Variants in DIDO1 observed in about 807,000 individuals in gnomAD.
DIDO1 encodes death-inducer obliterator 1.
DIDO1 carries 16 observed loss-of-function variants against 99.4 expected under a neutral mutation model. That is an observed-to-expected ratio of 0.16 (90% CI 0.11 to 0.24). The LOEUF is 0.24. Ranked by LOEUF, DIDO1 falls within the 10% of genes least tolerant of loss-of-function variation. The pLI, the probability that DIDO1 is intolerant of heterozygous loss-of-function variation, is 1.00. For missense variants in DIDO1, 2,996 were observed against 3,014.0 expected (o/e 0.99, Z 0.14); for synonymous variants, 1,366 against 1,239.1 (o/e 1.10, Z -2.15).
At chr20:62,916,967 C>T (rs899659063) in intron 1 of DIDO1, among the ~76,000 whole-genome samples, 1 of 152,202 alleles carries the variant, frequency 6.6e-6, no homozygotes, top group Admixed American at 6.5e-5. Flanking sequence ...ACCTGGATGA[C>T]ACGGGTTCAA....
In DIDO1 at chr20:62,894,035, G is replaced by C. The variant is rs769424903; in HGVS notation, c.2732C>G (p.Ala911Gly). 2 of 1,614,200 alleles carry C rather than the reference G, an allele frequency of 1.2e-6. No individual in the cohort carries two copies. Among genetic ancestry groups the C allele is most frequent in the Admixed American group, 1.7e-5 (1 of 60,032 alleles). The change falls in exon 12 of 16, where the codon GCC becomes GGC. Residue 911 changes from alanine (A) to glycine (G), a missense_variant. This residue lies in a region of DIDO1 where 898 missense variants were observed against 972.7 expected (regional missense o/e 0.92). Transcript: ENST00000395343. The surrounding 1 kb of genome is among the most constrained non-coding windows in gnomAD (Gnocchi z 4.4). ...AGCACTTTCTAGGCCTGGCTCAGAGGCAACTTCAGGCACAGCCTCCGGCAT... is the reference window on the plus strand; with the variant it reads ...AGCACTTTCTAGGCCTGGCTCAGAGCCAACTTCAGGCACAGCCTCCGGCAT... The part of the protein sequence containing the change: ...EVMPEAVPEV[A>G]SEPGLESASH...
chr20:62,906,703 AT>A (rs757479664), intron 5 of DIDO1, among the ~76,000 whole-genome samples: 82,781 of 151,776 alleles, frequency 0.55, 24,041 homozygotes, highest in African/African-American at 0.75. Context: ...ATCTCTAAAC[AT>A]TCCAAATAAC....
intron 6 of DIDO1, among the ~76,000 whole-genome samples, chr20:62,899,394 T>C (rs1468215684): frequency 1.3e-5 from 2 of 152,230 alleles, no homozygotes; most frequent in African/African-American, 4.8e-5. Context: ...AAGTTAGGGT[T>C]ACATGCTACC....
rs533762813 is a variant in DIDO1 at position 62,889,753 on chromosome 20, C to A, written c.3541+1207G>T. 1.4e-5 allele frequency: 14 copies of A among 985,444 alleles called. No homozygotes were observed. The East Asian group carries it at 1.2e-3, about 88-fold the overall frequency. The allele number at this position is 985,444 out of a possible 1,614,324, so 61.0% of individuals were successfully genotyped here. Reference sequence around the variant, plus strand: ...CACCCATTAGGTGGCATCTCTTTATCCCAAGTAGGATTTGAGGGGACACAC... The same window carrying A: ...CACCCATTAGGTGGCATCTCTTTATACCAAGTAGGATTTGAGGGGACACAC... On this transcript the variant is annotated intron_variant, in intron 15 of 15. Transcript: ENST00000395343.
At chr20:62,917,556 GGACA>G (rs2065061618) in intron 1 of DIDO1, among the ~76,000 whole-genome samples, 1 of 152,110 alleles carries the variant, frequency 6.6e-6, no homozygotes, top group Non-Finnish European at 1.5e-5. Flanking sequence ...GTTCTGTCAG[GGACA>G]GACAGCGTTT....
chr20:62,923,289 C>G (rs921663959), intron 1 of DIDO1, among the ~76,000 whole-genome samples: 9 of 152,198 alleles, frequency 5.9e-5, no homozygotes, highest in Non-Finnish European at 1.2e-4. Context: ...GATTCTCCCA[C>G]CTCGGCCTCC....
At chr20:62,897,392 A>C (rs2064560326) in intron 6 of DIDO1, among the ~76,000 whole-genome samples, 1 of 152,196 alleles carries the variant, frequency 6.6e-6, no homozygotes, top group African/African-American at 2.4e-5. Context: ...ACTGTTTGTA[A>C]ACTTCAGTGA....
Position 62,882,311 on chromosome 20 carries a change from C to T in DIDO1, c.3645G>A (p.Arg1215=). The T allele has an allele frequency of 6.2e-7, 1 of 1,614,010 alleles. No homozygotes were observed. Among genetic ancestry groups the T allele is most frequent in the East Asian group, 2.2e-5 (1 of 44,888 alleles). Residue 1215 remains arginine, a synonymous_variant, in exon 16 of 16, where the codon CGG becomes CGA. Coordinates refer to ENST00000395343, the MANE Select transcript of DIDO1 (RefSeq NM_001193369.2). ...SGELDKMDEK[R]TRLQPEEADV... is the part of the protein sequence containing the mutation. The stretch of plus-strand genomic sequence containing the variant: ...CCGCTTCTTCCGGTTGAAGTCGGGT[C>T]CGCTTTTCGTCCATCTTGTCTAACT...
In DIDO1 at chr20:62,892,902, G is replaced by T; in HGVS notation, c.3162C>A (p.Ser1054Arg). The part of the protein sequence containing the change: ...GDTTLFLSRL[S>R]TIWKGFINMQ... The stretch of plus-strand genomic sequence containing the variant: ...TGTTAATAAATCCTTTCCAAATGGT[G>T]CTGAGTCGAGACAAAAAGAGGGTCG... The change falls in exon 13 of 16, where the codon AGC becomes AGA. Residue 1054 changes from serine (S) to arginine (R), a missense_variant. Physicochemically the swap from Ser to Arg is moderately radical, Grantham distance 110. Around this residue, in one of 5 missense-constraint regions of DIDO1, gnomAD observed 898 missense variants for 972.7 expected, o/e 0.92. Transcript: ENST00000395343. 1 of 1,614,094 alleles carries T rather than the reference G, an allele frequency of 6.2e-7. No homozygotes were observed. The highest frequency in any genetic ancestry group is 1.1e-5 in the South Asian group (1 of 91,078).
chr20:62,927,838 T>C (rs1261650976), upstream of DIDO1, among the ~76,000 whole-genome samples: 2 of 152,220 alleles, frequency 1.3e-5, no homozygotes, highest in Non-Finnish European at 2.9e-5. Context: ...TAGGACCACA[T>C]TAATAGAATC....
chr20:62,925,687 G>C (rs2065238418), intron 1 of DIDO1, among the ~76,000 whole-genome samples: 1 of 152,260 alleles, frequency 6.6e-6, no homozygotes. Context: ...GCGAGAAGGA[G>C]CCCCGGACGC....
At chr20:62,892,536 G>GAC (rs1568840715) in intron 13 of DIDO1, among the ~76,000 whole-genome samples, 2 of 152,196 alleles carry the variant, frequency 1.3e-5, no homozygotes, top group African/African-American at 2.4e-5. Context: ...ACAGCCATGT[G>GAC]GTCAGTGCCC....
intron 15 of DIDO1, among the ~76,000 whole-genome samples, chr20:62,883,400 T>C (rs2064244922): frequency 6.6e-6 from 1 of 152,132 alleles, no homozygotes; most frequent in African/African-American, 2.4e-5. Context: ...ATGGCTAAAA[T>C]AAATGCTTTG....
chr20:62,929,940 A>G (rs536778474), upstream of DIDO1, among the ~76,000 whole-genome samples: 1 of 152,062 alleles, frequency 6.6e-6, no homozygotes, highest in South Asian at 2.1e-4. Flanking sequence ...TTTGAAGAAT[A>G]CTAACCAGAT....
chr20:62,930,714 T>C (rs565241876), upstream of DIDO1, among the ~76,000 whole-genome samples: 2 of 152,382 alleles, frequency 1.3e-5, no homozygotes, highest in East Asian at 3.9e-4. Flanking sequence ...ATCATTTGTA[T>C]GTTACCAGAA....
intron 1 of DIDO1, among the ~76,000 whole-genome samples, chr20:62,937,372 G>A (rs1463578718): frequency 1.4e-4 from 12 of 84,644 alleles, no homozygotes; most frequent in Admixed American, 5.3e-4. Context: ...CCTGCCGGGA[G>A]GGTCTCCAGT....
Position 62,879,245 on chromosome 20 carries a change from G to A in DIDO1, c.6711C>T (p.Ala2237=), listed in dbSNP as rs1600892369. Residue 2237 remains alanine, a synonymous_variant, in exon 16 of 16, where the codon GCC becomes GCT. Transcript: ENST00000395343. The surrounding 1 kb of genome is among the most constrained non-coding windows in gnomAD (Gnocchi z 6.3). ...CCGGCCGGGGCGTCTAGGCCTGCGAGGCGGTGCCAGCGTCGGAGGCCCTCG... is the reference window on the plus strand; with the variant it reads ...CCGGCCGGGGCGTCTAGGCCTGCGAAGCGGTGCCAGCGTCGGAGGCCCTCG... ...EASRASDAGT[A]SQA 2.6e-6 allele frequency: 4 copies of A among 1,533,050 alleles called. No homozygotes were observed. Among genetic ancestry groups the A allele is most frequent in the African/African-American group, 1.4e-5 (1 of 72,068 alleles). The allele number at this position is 1,533,050 out of a possible 1,614,324, so 95.0% of individuals were successfully genotyped here.
intron 1 of DIDO1, among the ~76,000 whole-genome samples, chr20:62,924,743 G>T (rs950224868): frequency 2.0e-5 from 3 of 152,180 alleles, no homozygotes; most frequent in African/African-American, 7.2e-5. Context: ...GGGCTGTCTG[G>T]TAACCATGGG....
At chr20:62,907,003 G>A (rs747710789) in intron 5 of DIDO1, 144 bp downstream of exon 5, 1 of 788,738 alleles carries the variant, frequency 1.3e-6, no homozygotes, top group Non-Finnish European at 2.1e-6. Context: ...TGGTGGGAAG[G>A]TGGAAGACAA....
Sources: gnomAD v4.1 joint callset for allele counts (sites outside exome capture counted in the v4.1 genomes callset) on GRCh38, gnomAD v4.1.1 for gene constraint, gnomAD v4.1.1 regional missense constraint, Gnocchi (gnomAD v3.1) non-coding constraint, MANE v1.5 for transcripts, NCBI Gene and HGNC (gene_info 2026-07-23, HGNC 2026-07-21) for gene names.